ADPRHL1: variants seen among roughly 807,000 people sequenced by gnomAD.
ADPRHL1 encodes inactive ADP-ribosyltransferase ARH2.
A neutral mutation model predicts 44.1 loss-of-function variants in ADPRHL1; 43 were observed. That is an observed-to-expected ratio of 0.98 (90% CI 0.76 to 1.26). The LOEUF (loss-of-function observed/expected upper bound fraction) is 1.26. Ranked by LOEUF, ADPRHL1 falls within the 50% of genes most tolerant of loss-of-function variation. The pLI, the probability that ADPRHL1 is intolerant of heterozygous loss-of-function variation, is 0.00. For synonymous variants in ADPRHL1, 878 were observed against 1,017.4 expected (o/e 0.86, Z 2.61); for missense variants, 2,022 against 2,496.9 (o/e 0.81, Z 4.05).
chr13:113,430,016 G>C (rs1422494657), intron 3 of ADPRHL1, among the ~76,000 whole-genome samples: 1 of 152,216 alleles, frequency 6.6e-6, no homozygotes. Context: ...AGGGCAGTGG[G>C]GAAAGATGGA....
intron 7 of ADPRHL1, among the ~76,000 whole-genome samples, chr13:113,421,615 C>T (rs1304332693): frequency 3.9e-5 from 6 of 152,186 alleles, no homozygotes; most frequent in Admixed American, 1.3e-4. Context: ...GGACCCAATG[C>T]ACCTGGGAGC....
At position 113,404,412 on chromosome 13, in the gene ADPRHL1, C is replaced by A; in HGVS notation, c.4870G>T (p.Ala1624Ser). 1 of 1,324,734 alleles carries A rather than the reference C, an allele frequency of 7.5e-7. No individual in the cohort carries two copies. Among genetic ancestry groups the A allele is most frequent in the Non-Finnish European group, 9.6e-7 (1 of 1,044,966 alleles). 82.1% of individuals were successfully genotyped at this position (1,324,734 alleles called of 1,614,324 possible). The change falls in exon 8 of 8, where the codon GCC (alanine) becomes TCC (serine). Residue 1624 changes from alanine to serine, a missense_variant. Physicochemically the swap from Ala to Ser is moderately conservative, Grantham distance 99. Around this residue, in one of 8 missense-constraint regions of ADPRHL1, gnomAD observed 78 missense variants for 76.5 expected, o/e 1.02. Transcript: ENST00000612156. The stretch of plus-strand genomic sequence containing the variant: ...GTCTGTTCCTGAGCCCATTTCTGGG[C>A]CTTTATCTGGGTCTGCCACTGGGCC... The part of the protein sequence containing the change: ...GQAQWQTQIK[A>S]QKWAQEQTQK...
rs947089871 is a variant in ADPRHL1, at chr13:113,407,755, G to T, written c.1527C>A (p.Phe509Leu). 81 of 1,231,988 alleles carry T rather than the reference G, an allele frequency of 6.6e-5. No homozygotes were observed. Among genetic ancestry groups the T allele is most frequent in the East Asian group, 1.6e-4 (5 of 31,720 alleles). 76.3% of individuals were successfully genotyped at this position (1,231,988 alleles called of 1,614,324 possible). A position where few individuals can be genotyped will look rare whatever the true frequency, so the allele number is the denominator to read the frequency against. ...TCGCCTCCTTCTCCTCGGCGGCCAAGAATATCTTCAGGATGTTTTTCACGG... is the reference window on the plus strand; with the variant it reads ...TCGCCTCCTTCTCCTCGGCGGCCAATAATATCTTCAGGATGTTTTTCACGG... Reference protein sequence around the residue: ...KSTVKNILKIFLAAEEKEAKE... With the variant: ...KSTVKNILKILLAAEEKEAKE... Residue 509 changes from phenylalanine to leucine, a missense_variant, in exon 8 of 8, where the codon TTC (phenylalanine) becomes TTA (leucine). Coordinates refer to ENST00000612156, the MANE Select transcript of ADPRHL1 (RefSeq NM_001394807.1).
At chr13:113,435,146 CCACG>C (rs1226940878) in intron 2 of ADPRHL1, among the ~76,000 whole-genome samples, 5 of 69,168 alleles carry the variant, frequency 7.2e-5, no homozygotes, top group Admixed American at 1.5e-4. Flanking sequence ...GACCCGGCAC[CCACG>C]CATAGAGTGA....
intron 7 of ADPRHL1, chr13:113,421,933 A>C (rs1050334376): frequency 6.6e-6 from 1 of 152,268 alleles, no homozygotes. Context: ...GCGGCCAAGC[A>C]CAGCGGTAAA....
chr13:113,448,336 A>T (rs576708856), intron 1 of ADPRHL1, among the ~76,000 whole-genome samples: 4 of 151,954 alleles, frequency 2.6e-5, no homozygotes, highest in African/African-American at 9.7e-5. Context: ...TCTACTAAAA[A>T]TACAAAGTTA....
intron 5 of ADPRHL1, among the ~76,000 whole-genome samples, chr13:113,424,674 A>C: frequency 6.9e-6 from 1 of 145,732 alleles, no homozygotes; most frequent in African/African-American, 2.6e-5. Flanking sequence ...TCCATTCACC[A>C]TCCATTCATC....
rs559123104 is a variant in ADPRHL1, at chr13:113,407,019, C to G, written c.2263G>C (p.Val755Leu). ...DPTAESTAGG[V>L]QEVRGARLTW... ...AGCCTGGCTCCCCTCACCTCCTGGA[C>G]GCCTCCTGCGGTGCTCTCTGCGGTG... Residue 755 changes from valine to leucine, a missense_variant, in exon 8 of 8, where the codon GTC (valine) becomes CTC (leucine). Coordinates refer to ENST00000612156, the MANE Select transcript of ADPRHL1 (RefSeq NM_001394807.1). 8.1e-7 allele frequency: 1 copy of G among 1,232,146 alleles called. No individual in the cohort carries two copies. Among genetic ancestry groups the G allele is most frequent in the Non-Finnish European group, 1.0e-6 (1 of 988,102 alleles). 76.3% of individuals were successfully genotyped at this position (1,232,146 alleles called of 1,614,324 possible). A position where few individuals can be genotyped will look rare whatever the true frequency, so the allele number is the denominator to read the frequency against.
rs2043975189 is a variant in ADPRHL1, at chr13:113,427,413, C to T, written c.646+1539G>A. Among the ~76,000 whole-genome samples the T allele has an allele frequency of 2.0e-5, 3 of 152,264 alleles. No homozygotes were observed. The South Asian group carries it at 6.2e-4, about 31-fold the overall frequency. ...TCAGCTGGAAAGAACCCGGCACCAC[C>T]GGCTTAGCCATCTCCATGTTAGTCA... On this transcript the variant is annotated intron_variant, in intron 4 of 7. Coordinates refer to ENST00000612156, the MANE Select transcript of ADPRHL1 (RefSeq NM_001394807.1).
chr13:113,405,110 TG>T lies in ADPRHL1; in HGVS notation c.4171del (p.Gln1391SerfsTer18), dbSNP rs748795088. The T allele has an allele frequency of 2.4e-6, 3 of 1,232,204 alleles. No individual in the cohort carries two copies. The highest frequency in any genetic ancestry group is 3.2e-5 in the East Asian group (1 of 31,710). 76.3% of individuals were successfully genotyped at this position (1,232,204 alleles called of 1,614,324 possible). On this transcript the variant is annotated frameshift_variant, in exon 8 of 8. Transcript: ENST00000612156. LOFTEE classifies it low-confidence loss of function (END_TRUNC). ...CACCCTCTTCCCCGCATCCCCGGGC[TG>T]GGGGGTCTCCTCCTGTGCCTGGTGA... The part of the protein sequence containing the change: ...QSHQAQEETP[Q>X]PGDAGKRVAP...
rs1424750961 is a variant in ADPRHL1, at chr13:113,421,431, C to A, written c.1061+1395G>T. Among the ~76,000 whole-genome samples, 6 of 148,452 alleles carry A rather than the reference C, an allele frequency of 4.0e-5. No individual in the cohort carries two copies. The South Asian group carries it at 6.5e-4, about 16-fold the overall frequency. ...CAGAACACGTCTACCCCTGGGGACA[C>A]CCCCATCCCTGGGACACGCCCATCC... On this transcript the variant is annotated intron_variant, in intron 7 of 7. Coordinates refer to ENST00000612156, the MANE Select transcript of ADPRHL1 (RefSeq NM_001394807.1).
At chr13:113,417,817 G>A (rs1195515295) in intron 7 of ADPRHL1, among the ~76,000 whole-genome samples, 1 of 152,260 alleles carries the variant, frequency 6.6e-6, no homozygotes, top group Non-Finnish European at 1.5e-5. Context: ...TTTTTACCAG[G>A]GGAGCTGCAG....
chr13:113,438,980 G>A (rs1266987392), intron 2 of ADPRHL1, among the ~76,000 whole-genome samples: 1 of 152,164 alleles, frequency 6.6e-6, no homozygotes, highest in Non-Finnish European at 1.5e-5. Context: ...AGAGTTTCCT[G>A]GAGAGCAGAA....
chr13:113,429,865 AT>A (rs1365925795), intron 3 of ADPRHL1, among the ~76,000 whole-genome samples: 33 of 152,342 alleles, frequency 2.2e-4, no homozygotes, highest in African/African-American at 7.7e-4. Context: ...AGCTCATCTT[AT>A]AGGCACTGCC....
Position 113,433,832 on chromosome 13 carries a change from T to C in ADPRHL1, c.415A>G (p.Ile139Val), listed in dbSNP as rs745388221. 2.9e-5 allele frequency: 46 copies of C among 1,573,868 alleles called. No homozygotes were observed. The highest frequency in any genetic ancestry group is 3.8e-5 in the Non-Finnish European group (44 of 1,159,946). The change falls in exon 3 of 8, where the codon ATC becomes GTC. Residue 139 changes from isoleucine to valine, a missense_variant. Ile to Val is a conservative substitution (Grantham distance 29). This residue lies in a region of ADPRHL1 where 437 missense variants were observed against 430.7 expected (regional missense o/e 1.01). Transcript: ENST00000612156. The stretch of plus-strand genomic sequence containing the variant: ...TCAGGCTTCCAGTACCGCAGGCCGA[T>C]GCACATGGCCTTGGTGGCCGCTCCA... ...GFGAATKAMC[I>V]GLRYWKPERL...
intron 4 of ADPRHL1, among the ~76,000 whole-genome samples, chr13:113,428,604 G>T (rs529864391): frequency 6.6e-6 from 1 of 152,232 alleles, no homozygotes; most frequent in East Asian, 1.9e-4. Context: ...TTTTCCAGGG[G>T]GCACCACAGG....
At chr13:113,420,794 G>A (rs76382172) in intron 7 of ADPRHL1, among the ~76,000 whole-genome samples, 3 of 151,730 alleles carry the variant, frequency 2.0e-5, no homozygotes, top group Non-Finnish European at 4.4e-5. Context: ...CAAAACGAAC[G>A]GGGCATCTCT....
chr13:113,438,913 A>G (rs1330835346), intron 2 of ADPRHL1, among the ~76,000 whole-genome samples: 2 of 152,196 alleles, frequency 1.3e-5, no homozygotes, highest in African/African-American at 2.4e-5. Context: ...TCCTTATCAG[A>G]TATCTGCTTT....
At chr13:113,420,587 C>G (rs34097633) in intron 7 of ADPRHL1, among the ~76,000 whole-genome samples, 12,953 of 152,058 alleles carry the variant, frequency 0.085, 732 homozygotes, top group African/African-American at 0.15. Flanking sequence ...CCCACACCCA[C>G]GGGTGCTGGG....
Sources: allele counts gnomAD v4.1 joint callset (sites outside exome capture counted in the v4.1 genomes callset), GRCh38; gene constraint gnomAD v4.1.1; regional missense constraint gnomAD v4.1.1; transcripts MANE v1.5; gene names NCBI Gene and HGNC (gene_info 2026-07-23, HGNC 2026-07-21).